TEKT1: variants seen among roughly 807,000 people sequenced by gnomAD.
TEKT1 encodes the protein tektin-1.
Under a neutral mutation model 34.8 loss-of-function variants are expected in TEKT1, and 32 were observed. The ratio of observed to expected loss-of-function variants is 0.92; its 90% CI spans 0.69 to 1.23. The LOEUF is 1.23. TEKT1 is among the 50% of genes most tolerant of loss of function. The pLI is 0.00. For missense variants in TEKT1, 492 were observed against 518.5 expected, an observed-to-expected ratio of 0.95 and a Z score of 0.50; for synonymous variants, 207 against 199.8, an observed-to-expected ratio of 1.04 and a Z score of -0.30.
rs1976719022 is a variant in TEKT1, at chr17:6,798,150, A to C, written c.*1877T>G. On this transcript the variant is annotated 3_prime_UTR_variant, in exon 8 of 8. Coordinates refer to ENST00000338694, the MANE Select transcript of TEKT1 (RefSeq NM_053285.2). ...AGAGTCTTCCACACGTTATCTCGCC[A>C]ATCTAGGCTTTATTAGTCTTATTTA... The C allele has an allele frequency of 1.3e-5, 2 of 152,334 alleles. No individual in the cohort carries two copies. Among genetic ancestry groups the C allele is most frequent in the Middle Eastern group, 6.8e-3 (2 of 294 alleles). 9.4% of individuals were successfully genotyped at this position (152,334 alleles called of 1,614,324 possible).
At chr17:6,806,243 A>G (rs1363394793) in intron 6 of TEKT1, among the ~76,000 whole-genome samples, 1 of 151,846 alleles carries the variant, frequency 6.6e-6, no homozygotes, top group South Asian at 2.1e-4. Context: ...GTCTCTTTTG[A>G]TCTTTGTTGG....
intron 3 of TEKT1, among the ~76,000 whole-genome samples, chr17:6,816,596 G>T (rs958345576): frequency 6.6e-6 from 1 of 152,124 alleles, no homozygotes; most frequent in Non-Finnish European, 1.5e-5. Context: ...ATTCCATGGT[G>T]TATATGTGCC....
chr17:6,824,502 G>A (rs939434643), intron 2 of TEKT1, among the ~76,000 whole-genome samples: 1 of 152,050 alleles, frequency 6.6e-6, no homozygotes, highest in African/African-American at 2.4e-5. Flanking sequence ...TTATTATTTT[G>A]TCCAAGCTAT....
intron 3 of TEKT1, 43 bp from the exon 4 acceptor site, chr17:6,816,005 T>C: frequency 6.2e-7 from 1 of 1,610,170 alleles, no homozygotes; most frequent in Non-Finnish European, 8.5e-7. Flanking sequence ...ACGTGCAACA[T>C]GAGGTGACTC....
chr17:6,824,697 T>C (rs1904347799), intron 2 of TEKT1, among the ~76,000 whole-genome samples: 1 of 152,216 alleles, frequency 6.6e-6, no homozygotes, highest in East Asian at 1.9e-4. Context: ...TCTTTTTCAA[T>C]TTTATACTCC....
Position 6,828,807 on chromosome 17 carries a change from T to C in TEKT1, c.190+1380A>G, listed in dbSNP as rs368233488. Among the ~76,000 whole-genome samples, 55 of 152,312 alleles carry C rather than the reference T, an allele frequency of 3.6e-4. 1 individual carries two copies. The South Asian group carries it at 0.011, about 32-fold the overall frequency. On this transcript the variant is annotated intron_variant, in intron 2 of 7. Transcript: ENST00000338694. ...TTTGATTATTTAAGGATACTATCTT[T>C]TTTTTTAAATGTGCTTTCCTGAGAT...
chr17:6,810,680 A>T (rs7224971), intron 6 of TEKT1, among the ~76,000 whole-genome samples: 13,287 of 152,228 alleles, frequency 0.087, 689 homozygotes, highest in Middle Eastern at 0.19. Context: ...AGTGACATGT[A>T]TATAACTTGA....
intron 2 of TEKT1, among the ~76,000 whole-genome samples, chr17:6,824,486 C>G (rs1466024280): frequency 6.6e-6 from 1 of 152,168 alleles, no homozygotes; most frequent in East Asian, 1.9e-4. Context: ...CCCACTCATC[C>G]TGCCTTTATT....
In TEKT1 at chr17:6,815,096, G is replaced by A. The variant is rs996655604; in HGVS notation, c.629+67C>T. 83 of 1,543,302 alleles carry A rather than the reference G, an allele frequency of 5.4e-5. No individual in the cohort carries two copies. The East Asian group carries it at 1.3e-3, about 24-fold the overall frequency. ...TCTCAGCCAGCTGCAAGGACGAGCC[G>A]CTAGGTCTTGCCTATCTGAGAAGCA... is the stretch of plus-strand genomic sequence containing the variant. On this transcript the variant is annotated intron_variant, in intron 5 of 7. Coordinates refer to ENST00000338694, the MANE Select transcript of TEKT1 (RefSeq NM_053285.2).
chr17:6,821,681 G>C (rs144521896), intron 2 of TEKT1, among the ~76,000 whole-genome samples: 2 of 152,144 alleles, frequency 1.3e-5, no homozygotes, highest in African/African-American at 4.8e-5. Flanking sequence ...AGAAAGTTTT[G>C]GGAAAGTTTG....
chr17:6,801,061 A>G, intron 6 of TEKT1, 118 bp from the exon 7 acceptor site: 1 of 978,520 alleles, frequency 1.0e-6, no homozygotes, highest in South Asian at 1.6e-5. Flanking sequence ...TTTCTTCTTA[A>G]GCAGCATGCC....
rs2271233 is a variant in TEKT1, at chr17:6,800,802, C to T, written c.994G>A (p.Val332Ile). The T allele has an allele frequency of 0.074, 119,707 of 1,614,110 alleles. 4,820 individuals carry two copies. The highest frequency in any genetic ancestry group is 0.083 in the Non-Finnish European group (97,446 of 1,179,988). The change falls in exon 7 of 8, where the codon GTC becomes ATC. Residue 332 changes from valine to isoleucine, a missense_variant. Val to Ile is a conservative substitution (Grantham distance 29). Transcript: ENST00000338694. Reference protein sequence around the residue: ...HRPNVELCRDVAQYRLMKEVQ... With the variant: ...HRPNVELCRDIAQYRLMKEVQ... ...TCCTTCATTAGCCTATATTGTGCGA[C>T]ATCACGACACAGCTCCACGTTCGGC... is the stretch of plus-strand genomic sequence containing the variant.
chr17:6,800,019 C>T lies in TEKT1; in HGVS notation c.*8G>A, dbSNP rs1976744440. ...GTGGTTTAATGAGAATTGGAACTAG[C>T]CCTACTATTAGCAGACAGCATCAGG... On this transcript the variant is annotated 3_prime_UTR_variant, in exon 8 of 8. Coordinates refer to ENST00000338694, the MANE Select transcript of TEKT1 (RefSeq NM_053285.2). The T allele has an allele frequency of 2.5e-6, 4 of 1,601,344 alleles. No individual in the cohort carries two copies. Among genetic ancestry groups the T allele is most frequent in the Non-Finnish European group, 3.4e-6 (4 of 1,178,790 alleles).
At chr17:6,819,097 C>A (rs905541575) in intron 3 of TEKT1, 96 bp downstream of exon 3, 1 of 1,424,538 alleles carries the variant, frequency 7.0e-7, no homozygotes, top group Non-Finnish European at 9.6e-7. Context: ...TGCTCAAGTG[C>A]TGTGTTCTAA....
In TEKT1 at chr17:6,830,318, T is replaced by A; in HGVS notation, c.59A>T (p.Asn20Ile). 6.2e-7 allele frequency: 1 copy of A among 1,611,066 alleles called. No homozygotes were observed. Among genetic ancestry groups the A allele is most frequent in the Middle Eastern group, 1.7e-4 (1 of 6,058 alleles). Residue 20 changes from asparagine to isoleucine, a missense_variant, in exon 2 of 8, where the codon AAC becomes ATC. Physicochemically the swap from Asn to Ile is moderately radical, Grantham distance 149 (BLOSUM62 -3). Transcript: ENST00000338694. ...GTCTGCTCTGTGGTACTGGTTCTTG[T>A]TAGCAATGTGCCACTCTGAGGGCAG... ...KFLPSEWHIA[N>I]KNQYHRADAQ... is the part of the protein sequence containing the mutation.
At position 6,830,232 on chromosome 17, in the gene TEKT1, C is replaced by T; in HGVS notation, c.145G>A (p.Glu49Lys). 6.2e-7 allele frequency: 1 copy of T among 1,611,314 alleles called. No individual in the cohort carries two copies. Among genetic ancestry groups the T allele is most frequent in the Non-Finnish European group, 8.5e-7 (1 of 1,179,472 alleles). Residue 49 changes from glutamate to lysine, a missense_variant, in exon 2 of 8, where the codon GAA becomes AAA. Coordinates refer to ENST00000338694, the MANE Select transcript of TEKT1 (RefSeq NM_053285.2). ...CTTTGAGATTTTCTTGTGGTCTTTTCAATTTCATCCACAAGCCTCTGGCTT... is the reference window on the plus strand; with the variant it reads ...CTTTGAGATTTTCTTGTGGTCTTTTTAATTTCATCCACAAGCCTCTGGCTT... ...AESQRLVDEI[E>K]KTTRKSQSDV...
At chr17:6,813,488 A>G (rs1976956179) in intron 5 of TEKT1, among the ~76,000 whole-genome samples, 1 of 151,886 alleles carries the variant, frequency 6.6e-6, no homozygotes, top group Non-Finnish European at 1.5e-5. Context: ...ACTCGTTTGA[A>G]GAGGAACTAT....
At chr17:6,815,440 C>T (rs1976991770) in intron 4 of TEKT1, 134 bp from the exon 5 acceptor site, 1 of 1,048,190 alleles carries the variant, frequency 9.5e-7, no homozygotes, top group Non-Finnish European at 1.5e-6. Context: ...CACCCATCAC[C>T]CCAACACTCA....
chr17:6,815,162 C>G lies in TEKT1; in HGVS notation c.629+1G>C. 6.2e-7 allele frequency: 1 copy of G among 1,609,532 alleles called. No homozygotes were observed. Among genetic ancestry groups the G allele is most frequent in the Non-Finnish European group, 8.5e-7 (1 of 1,177,596 alleles). ...GGAGGAAGACGGCAAGGCCCACTCA[C>G]TTTGGCTCAATCCTCACGGCGTTCT... is the stretch of plus-strand genomic sequence containing the variant. On this transcript the variant is annotated splice_donor_variant, in intron 5 of 7. Transcript: ENST00000338694. LOFTEE classifies it high-confidence loss of function.
Sources: gnomAD v4.1 joint callset for allele counts (sites outside exome capture counted in the v4.1 genomes callset) on GRCh38, gnomAD v4.1.1 for gene constraint, MANE v1.5 for transcripts, NCBI Gene and HGNC (gene_info 2026-07-23, HGNC 2026-07-21) for gene names.